HAO1: variants seen among roughly 807,000 people sequenced by gnomAD.
The protein encoded by HAO1 is 2-Hydroxyacid oxidase 1.
A neutral mutation model predicts 39.7 loss-of-function variants in HAO1; 34 were observed. The observed-to-expected ratio is 0.86, with a 90% CI of 0.65 to 1.14. The LOEUF (loss-of-function observed/expected upper bound fraction) is 1.14. Ranked by LOEUF, HAO1 falls within the 50% of genes most tolerant of loss-of-function variation. HAO1 has a pLI of 0.00. For missense variants in HAO1, 479 were observed against 464.5 expected, an observed-to-expected ratio of 1.03 and a Z score of -0.29; for synonymous variants, 172 against 173.2, an observed-to-expected ratio of 0.99 and a Z score of 0.05.
intron 4 of HAO1, among the ~76,000 whole-genome samples, chr20:7,899,912 G>A (rs1381235863): frequency 6.6e-6 from 1 of 152,114 alleles, no homozygotes; most frequent in African/African-American, 2.4e-5. Context: ...TCGTCAATGG[G>A]CAGTGGCATT....
At chr20:7,935,046 A>G (rs1441530161) in intron 1 of HAO1, among the ~76,000 whole-genome samples, 1 of 152,164 alleles carries the variant, frequency 6.6e-6, no homozygotes, top group Non-Finnish European at 1.5e-5. Context: ...CCACTGATGC[A>G]TTTTTTCTTT....
chr20:7,934,560 G>T lies in HAO1; in HGVS notation c.213C>A (p.Val71=). 1 of 1,613,016 alleles carries T rather than the reference G, an allele frequency of 6.2e-7. No homozygotes were observed. ...TAGCCCCCACACATATTGGCATGCTGACCCTCTGTCCTAAAACAGAAGTCG... is the reference window on the plus strand; with the variant it reads ...TAGCCCCCACACATATTGGCATGCTTACCCTCTGTCCTAAAACAGAAGTCG... ...DLSTSVLGQR[V]SMPICVGATA... Residue 71 remains valine (V), a synonymous_variant, in exon 2 of 8, where the codon GTC becomes GTA. Coordinates refer to ENST00000378789, the MANE Select transcript of HAO1 (RefSeq NM_017545.3).
chr20:7,929,473 C>A (rs992553932), intron 2 of HAO1, among the ~76,000 whole-genome samples: 1 of 152,048 alleles, frequency 6.6e-6, no homozygotes, highest in Non-Finnish European at 1.5e-5. Context: ...CATAATGGGC[C>A]CTCTGTGTTT....
chr20:7,900,323 A>C (rs1347941919), intron 4 of HAO1, among the ~76,000 whole-genome samples: 1 of 152,174 alleles, frequency 6.6e-6, no homozygotes, highest in African/African-American at 2.4e-5. Flanking sequence ...AACTCGCTGA[A>C]GACTCAGATA....
rs75277125 is a variant in HAO1, at chr20:7,914,156, A to G, written c.545+8T>C. On this transcript the variant is annotated splice_region_variant and intron_variant, in intron 3 of 7. Coordinates refer to ENST00000378789, the MANE Select transcript of HAO1 (RefSeq NM_017545.3). ...GCCTCAGCTCGGGGCCCACATGATC[A>G]TGGTTACCTGAGTTGTGGCGGCAGT... The G allele has an allele frequency of 7.0e-3, 11,280 of 1,613,356 alleles. 277 individuals carry two copies. The African/African-American group carries it at 0.079, about 11-fold the overall frequency.
chr20:7,936,545 TG>T (rs1568522180), intron 1 of HAO1, among the ~76,000 whole-genome samples: 84 of 144,894 alleles, frequency 5.8e-4, no homozygotes, highest in African/African-American at 2.1e-3. Flanking sequence ...TGTGTGTGTG[TG>T]TTCGCGCGCG....
intron 1 of HAO1, among the ~76,000 whole-genome samples, chr20:7,936,558 G>GTT (rs1273055969): frequency 6.8e-6 from 1 of 147,686 alleles, no homozygotes; most frequent in East Asian, 2.0e-4. Context: ...TCGCGCGCGC[G>GTT]CGCGCGCGTG....
At chr20:7,897,891 CA>C (rs2050204779) in intron 4 of HAO1, among the ~76,000 whole-genome samples, 1 of 152,130 alleles carries the variant, frequency 6.6e-6, no homozygotes, top group Admixed American at 6.6e-5. Flanking sequence ...AAATTAGTTT[CA>C]TTCTTGCCAA....
chr20:7,903,738 G>A (rs1417887184), intron 4 of HAO1, among the ~76,000 whole-genome samples: 1 of 150,956 alleles, frequency 6.6e-6, no homozygotes, highest in East Asian at 1.9e-4. Context: ...TTGTGGTGGT[G>A]GTGGTGGTCA....
At chr20:7,918,938 A>C (rs1600116379) in intron 2 of HAO1, among the ~76,000 whole-genome samples, 1 of 152,226 alleles carries the variant, frequency 6.6e-6, no homozygotes, top group Non-Finnish European at 1.5e-5. Flanking sequence ...CCCAAAGCAG[A>C]CACTGTCTCA....
intron 2 of HAO1, among the ~76,000 whole-genome samples, chr20:7,931,543 C>G (rs1338907569): frequency 6.6e-6 from 1 of 152,004 alleles, no homozygotes; most frequent in Admixed American, 6.6e-5. Context: ...ATAATATGAT[C>G]GATTTATTTG....
chr20:7,893,021 C>T (rs1317630645), intron 5 of HAO1, among the ~76,000 whole-genome samples: 1 of 152,148 alleles, frequency 6.6e-6, no homozygotes, highest in Non-Finnish European at 1.5e-5. Context: ...AAGACTACCT[C>T]ATTGGCCTTT....
At chr20:7,907,498 G>T (rs1471907644) in intron 3 of HAO1, among the ~76,000 whole-genome samples, 1 of 152,052 alleles carries the variant, frequency 6.6e-6, no homozygotes, top group African/African-American at 2.4e-5. Context: ...TCCCTCCTTT[G>T]CCTCACTTTC....
rs188969728 is a variant in HAO1 at position 7,933,961 on chromosome 20, A to G, written c.289+523T>C. Among the ~76,000 whole-genome samples, 1,170 of 152,320 alleles carry G rather than the reference A, an allele frequency of 7.7e-3. 12 individuals carry two copies. Among genetic ancestry groups the G allele is most frequent in the Non-Finnish European group, 0.01 (688 of 68,016 alleles). On this transcript the variant is annotated intron_variant, in intron 2 of 7. Coordinates refer to ENST00000378789, the MANE Select transcript of HAO1 (RefSeq NM_017545.3). Reference sequence around the variant, plus strand: ...ATGACCCAAAACCACGGAAGAAAACACAACCAACCACGTTGCTCCATTTGC... The same window carrying G: ...ATGACCCAAAACCACGGAAGAAAACGCAACCAACCACGTTGCTCCATTTGC...
chr20:7,907,263 A>C (rs1030236393), intron 3 of HAO1, among the ~76,000 whole-genome samples: 3 of 151,890 alleles, frequency 2.0e-5, no homozygotes, highest in African/African-American at 7.3e-5. Flanking sequence ...CAATACCTTC[A>C]TTTCTCTGCC....
chr20:7,896,163 G>C (rs1250873920), intron 4 of HAO1, among the ~76,000 whole-genome samples: 3 of 151,946 alleles, frequency 2.0e-5, no homozygotes, highest in Non-Finnish European at 4.4e-5. Flanking sequence ...ATAGATTACT[G>C]TTCTCTTAAA....
At chr20:7,934,344 G>GT in intron 2 of HAO1, 140 bp downstream of exon 2, 1 of 563,794 alleles carries the variant, frequency 1.8e-6, no homozygotes, top group Non-Finnish European at 3.0e-6. Context: ...GCAAGAACAA[G>GT]TATTTTGATG....
chr20:7,915,773 GA>G (rs1264521305), intron 2 of HAO1, among the ~76,000 whole-genome samples: 1 of 152,050 alleles, frequency 6.6e-6, no homozygotes, highest in East Asian at 1.9e-4. Flanking sequence ...ATTAAGGAAA[GA>G]AAAAAGTTTA....
At chr20:7,925,962 T>C (rs974818386) in intron 2 of HAO1, among the ~76,000 whole-genome samples, 2 of 152,180 alleles carry the variant, frequency 1.3e-5, no homozygotes, top group Admixed American at 6.6e-5. Flanking sequence ...ATGAAAATAC[T>C]TTAGCAATGA....
Sources: allele counts gnomAD v4.1 joint callset (sites outside exome capture counted in the v4.1 genomes callset), GRCh38; gene constraint gnomAD v4.1.1; transcripts MANE v1.5; gene names NCBI Gene and HGNC (gene_info 2026-07-23, HGNC 2026-07-21).